KCNB2: variants seen among roughly 807,000 people sequenced by gnomAD.
The protein encoded by KCNB2 is potassium voltage-gated channel subfamily B member 2.
KCNB2 carries 15 observed loss-of-function variants against 61.5 expected under a neutral mutation model. That is an observed-to-expected ratio of 0.24 (90% CI 0.16 to 0.38). The LOEUF (loss-of-function observed/expected upper bound fraction) is 0.38. Among genes scored for constraint, KCNB2 ranks in the 10% least tolerant of loss-of-function variants. KCNB2 has a pLI of 1.00. For missense variants in KCNB2, 828 were observed against 1,125.2 expected, an observed-to-expected ratio of 0.74 and a Z score of 3.78; for synonymous variants, 457 against 446.0, an observed-to-expected ratio of 1.02 and a Z score of -0.31.
At chr8:72,839,096 A>G (rs750193065) in intron 2 of KCNB2, among the ~76,000 whole-genome samples, 12 of 152,210 alleles carry the variant, frequency 7.9e-5, no homozygotes, top group Non-Finnish European at 1.5e-4. Context: ...CTCATTATCC[A>G]AATACAATTA....
chr8:72,914,931 G>A (rs1334509416), intron 2 of KCNB2, among the ~76,000 whole-genome samples: 2 of 148,260 alleles, frequency 1.3e-5, no homozygotes, highest in African/African-American at 2.5e-5. Flanking sequence ...TTGAGACAGA[G>A]TCTCATTCTG....
In KCNB2 at chr8:72,681,991, GTCTTTGACTTTGC is replaced by G. The variant is rs368684174; in HGVS notation, c.579+113681_579+113693del. 1.7e-3 allele frequency among the ~76,000 whole-genome samples: 263 copies of G among 152,282 alleles called. 2 individuals carry two copies. Among genetic ancestry groups the G allele is most frequent in the African/African-American group, 5.9e-3 (245 of 41,556 alleles). On this transcript the variant is annotated intron_variant, in intron 2 of 2. Coordinates refer to ENST00000523207, the MANE Select transcript of KCNB2 (RefSeq NM_004770.3). ...CTAGGGATTAAAATTGTGTTTTCAAGTCTTTGACTTTGCTCAATTAAACGACATTTGACTTCAC... is the reference window on the plus strand; with the variant it reads ...CTAGGGATTAAAATTGTGTTTTCAAGTCAATTAAACGACATTTGACTTCAC...
chr8:72,675,905 C>A (rs1806646203), intron 2 of KCNB2, among the ~76,000 whole-genome samples: 1 of 151,990 alleles, frequency 6.6e-6, no homozygotes, highest in Admixed American at 6.6e-5. Context: ...TGTAAGAGCT[C>A]CATTGTCCTT....
intron 2 of KCNB2, among the ~76,000 whole-genome samples, chr8:72,869,296 T>A (rs1424202809): frequency 6.6e-6 from 1 of 152,074 alleles, no homozygotes; most frequent in Non-Finnish European, 1.5e-5. Context: ...TCACAGACCC[T>A]CCTCAAGGGT....
At chr8:72,556,556 A>G (rs946499226) in intron 1 of KCNB2, among the ~76,000 whole-genome samples, 4 of 152,290 alleles carry the variant, frequency 2.6e-5, no homozygotes, top group Admixed American at 1.3e-4. Context: ...TTTTCTATCT[A>G]ATAATGAATA....
Position 72,921,079 on chromosome 8 carries a change from A to T in KCNB2, c.580-14856A>T, listed in dbSNP as rs1009115936. On this transcript the variant is annotated intron_variant, in intron 2 of 2. Transcript: ENST00000523207. ...TATTGAGTGAAATTATCCAAAGTTC[A>T]GCTTGAGAAACATTGGGATCATGTT... is the stretch of plus-strand genomic sequence containing the variant. Among the ~76,000 whole-genome samples, 8 of 152,258 alleles carry T rather than the reference A, an allele frequency of 5.3e-5. No homozygotes were observed. In the South Asian group the frequency reaches 1.7e-3, roughly 32 times the overall value.
intron 2 of KCNB2, among the ~76,000 whole-genome samples, chr8:72,587,269 T>C (rs1455573965): frequency 6.6e-6 from 1 of 152,102 alleles, no homozygotes; most frequent in African/African-American, 2.4e-5. Flanking sequence ...CTCCCGAGAC[T>C]GAAAGCTTCT....
intron 2 of KCNB2, among the ~76,000 whole-genome samples, chr8:72,571,366 G>C (rs888067378): frequency 6.6e-6 from 1 of 151,984 alleles, no homozygotes; most frequent in African/African-American, 2.4e-5. Context: ...CTCTTACTTG[G>C]ATGTTCTGGT....
At chr8:72,764,034 A>G (rs1314162721) in intron 2 of KCNB2, among the ~76,000 whole-genome samples, 1 of 152,138 alleles carries the variant, frequency 6.6e-6, no homozygotes, top group Non-Finnish European at 1.5e-5. Flanking sequence ...CCATAGTCCC[A>G]CAGAGAAAGC....
At chr8:72,681,424 A>T (rs1242266695) in intron 2 of KCNB2, among the ~76,000 whole-genome samples, 1 of 152,176 alleles carries the variant, frequency 6.6e-6, no homozygotes, top group African/African-American at 2.4e-5. Context: ...CAGCACCAGG[A>T]TCATCAATGT....
At chr8:72,722,240 C>G (rs113478970) in intron 2 of KCNB2, among the ~76,000 whole-genome samples, 7 of 152,324 alleles carry the variant, frequency 4.6e-5, no homozygotes, top group South Asian at 2.1e-4. Flanking sequence ...CTCTGGCCCC[C>G]CTTCCAGTCT....
chr8:72,834,166 C>A (rs1809741809), intron 2 of KCNB2, among the ~76,000 whole-genome samples: 1 of 152,124 alleles, frequency 6.6e-6, no homozygotes, highest in African/African-American at 2.4e-5. Context: ...AATCAAGTAT[C>A]TCACATTTTA....
At chr8:72,661,808 T>C (rs1230582173) in intron 2 of KCNB2, among the ~76,000 whole-genome samples, 1 of 152,240 alleles carries the variant, frequency 6.6e-6, no homozygotes, top group Non-Finnish European at 1.5e-5. Context: ...TCTAAATGTT[T>C]AGATTTCTTT....
At chr8:72,674,793 G>T (rs1467915391) in intron 2 of KCNB2, among the ~76,000 whole-genome samples, 2 of 152,176 alleles carry the variant, frequency 1.3e-5, no homozygotes, top group Non-Finnish European at 2.9e-5. Flanking sequence ...AATTGTGCTG[G>T]AAGCATAAAG....
chr8:72,730,675 T>TA (rs1807725318), intron 2 of KCNB2, among the ~76,000 whole-genome samples: 2 of 152,294 alleles, frequency 1.3e-5, no homozygotes, highest in African/African-American at 4.8e-5. Context: ...CCTCCAAAGA[T>TA]AAAATGGCAG....
intron 2 of KCNB2, among the ~76,000 whole-genome samples, chr8:72,859,858 T>C (rs1391840768): frequency 6.6e-6 from 1 of 151,806 alleles, no homozygotes; most frequent in African/African-American, 2.4e-5. Context: ...TAGCTGGGAT[T>C]ACAGGCATGT....
chr8:72,911,176 C>T (rs1252176796), intron 2 of KCNB2, among the ~76,000 whole-genome samples: 6 of 152,142 alleles, frequency 3.9e-5, no homozygotes, highest in East Asian at 3.9e-4. Context: ...GCAGGAATTC[C>T]GACAACAGTC....
chr8:72,903,454 G>A (rs551189048), intron 2 of KCNB2, among the ~76,000 whole-genome samples: 4 of 152,308 alleles, frequency 2.6e-5, no homozygotes, highest in African/African-American at 9.6e-5. Context: ...GATGGTGCAT[G>A]CCTGTAGTTC....
chr8:72,908,260 C>A lies in KCNB2; in HGVS notation c.580-27675C>A, dbSNP rs772450722. On this transcript the variant is annotated intron_variant, in intron 2 of 2. Transcript: ENST00000523207. Reference sequence around the variant, plus strand: ...CTTCATCTTAAGCATCAGTTCCTCACAGAAGCATCCCTGACCTTCTAGTTT... The same window carrying A: ...CTTCATCTTAAGCATCAGTTCCTCAAAGAAGCATCCCTGACCTTCTAGTTT... 3.8e-4 allele frequency among the ~76,000 whole-genome samples: 58 copies of A among 152,222 alleles called. 1 individual carries two copies. The highest frequency in any genetic ancestry group is 1.2e-4 in the Non-Finnish European group (8 of 68,030).
Sources: gnomAD v4.1 joint callset for allele counts (sites outside exome capture counted in the v4.1 genomes callset) on GRCh38, gnomAD v4.1.1 for gene constraint, MANE v1.5 for transcripts, NCBI Gene and HGNC (gene_info 2026-07-23, HGNC 2026-07-21) for gene names.